The following DMTF1 variants were observed in gnomAD, a reference collection of about 807,000 sequenced individuals.
DMTF1 encodes the protein cyclin-D-binding Myb-like transcription factor 1.
In DMTF1, 39 loss-of-function variants were observed where a neutral mutation model predicts 91.1. That is an observed-to-expected ratio of 0.43 (90% CI 0.33 to 0.56). The LOEUF is 0.56. Among genes scored for constraint, DMTF1 ranks in the 20% least tolerant of loss-of-function variants. The pLI, the probability that DMTF1 is intolerant of heterozygous loss-of-function variation, is 0.05. For missense variants in DMTF1, 750 were observed against 914.5 expected, an observed-to-expected ratio of 0.82 and a Z score of 2.32; for synonymous variants, 338 against 309.5, an observed-to-expected ratio of 1.09 and a Z score of -0.97.
At chr7:87,171,169 GC>G in intron 5 of DMTF1, 80 bp downstream of exon 5, 1 of 981,602 alleles carries the variant, frequency 1.0e-6, no homozygotes, top group Non-Finnish European at 1.5e-6. Context: ...AGAAACCTCA[GC>G]CTCCCAAGTA....
rs755109479 is a variant in DMTF1, at chr7:87,193,204, C to T, written c.1501C>T (p.His501Tyr). 3.1e-6 allele frequency: 5 copies of T among 1,612,846 alleles called. No homozygotes were observed. The South Asian group carries it at 4.4e-5, about 14-fold the overall frequency. Residue 501 changes from histidine (H) to tyrosine (Y), a missense_variant, in exon 15 of 18, where the codon CAT becomes TAT. His to Tyr is a moderately conservative substitution (Grantham distance 83, BLOSUM62 2). Transcript: ENST00000331242. Reference protein sequence around the residue: ...LQTFEILPSFHLQPTGTPGTY... With the variant: ...LQTFEILPSFYLQPTGTPGTY... Reference sequence around the variant, plus strand: ...TCTTTCCTTTTTCCTTTAGTCTTTCCATCTACAGCCCACTGGCACTCCAGG... The same window carrying T: ...TCTTTCCTTTTTCCTTTAGTCTTTCTATCTACAGCCCACTGGCACTCCAGG...
intron 13 of DMTF1, 73 bp downstream of exon 13, chr7:87,188,374 G>A: frequency 1.3e-6 from 2 of 1,504,440 alleles, no homozygotes; most frequent in Non-Finnish European, 1.8e-6. Flanking sequence ...ATGTCTTTTG[G>A]TTTTCTAGAA....
intron 7 of DMTF1, among the ~76,000 whole-genome samples, chr7:87,178,889 A>T (rs1282823802): frequency 6.6e-6 from 1 of 151,538 alleles, no homozygotes; most frequent in Admixed American, 6.6e-5. Flanking sequence ...TTTTGAGAAG[A>T]TTATTTAATA....
intron 5 of DMTF1, among the ~76,000 whole-genome samples, chr7:87,171,841 G>A (rs1163143501): frequency 6.6e-6 from 1 of 152,124 alleles, no homozygotes; most frequent in Non-Finnish European, 1.5e-5. Flanking sequence ...TCCTGCTGTT[G>A]TACTCACTAA....
At chr7:87,177,966 G>T (rs892829897) in intron 7 of DMTF1, among the ~76,000 whole-genome samples, 1 of 152,054 alleles carries the variant, frequency 6.6e-6, no homozygotes, top group African/African-American at 2.4e-5. Context: ...GGCTGTTCTT[G>T]GCCCTTTGCT....
In DMTF1 at chr7:87,170,982, CCT is replaced by C. The variant is rs764002217; in HGVS notation, c.233-12_233-11del. 3.9e-6 allele frequency: 6 copies of C among 1,557,190 alleles called. No individual in the cohort carries two copies. The South Asian group carries it at 6.8e-5, about 18-fold the overall frequency. ...GTTATTATTCTGGAGATGAACGGTT[CCT>C]TTTCTTGAAGTTTCAGAAAATGATC... On this transcript the variant is annotated splice_polypyrimidine_tract_variant and intron_variant, in intron 4 of 17. Transcript: ENST00000331242.
intron 14 of DMTF1, 51 bp downstream of exon 14, chr7:87,191,078 G>T: frequency 8.4e-7 from 1 of 1,191,710 alleles, no homozygotes; most frequent in East Asian, 2.5e-5. Flanking sequence ...AGAAAGATCA[G>T]TTGCTATCAC....
intron 2 of DMTF1, among the ~76,000 whole-genome samples, chr7:87,164,054 TAAAAAAAAA>T (rs61634018): frequency 2.7e-5 from 2 of 73,500 alleles, no homozygotes; most frequent in African/African-American, 5.4e-5. Flanking sequence ...ACGCCTTCTC[TAAAAAAAAA>T]AAAAAAAAAA....
In DMTF1 at chr7:87,176,911, A is replaced by G. The variant is rs575937013; in HGVS notation, c.519+2242A>G. ...TAAAGGATAAATGCAAGTAACGTCT[A>G]TAAGCAAGAAAAAGGGCAAGGAGTG... On this transcript the variant is annotated intron_variant, in intron 7 of 17. Transcript: ENST00000331242. 5.8e-4 allele frequency among the ~76,000 whole-genome samples: 89 copies of G among 152,290 alleles called. 1 individual carries two copies. The South Asian group carries it at 8.3e-3, about 14-fold the overall frequency.
intron 15 of DMTF1, 144 bp downstream of exon 15, chr7:87,193,497 TTCACTG>T: frequency 1.1e-6 from 1 of 874,426 alleles, no homozygotes; most frequent in Admixed American, 2.5e-5. Context: ...TCACTCTGCC[TTCACTG>T]GAGTGTATGT....
At chr7:87,168,668 T>TTTA (rs1414272755) in intron 4 of DMTF1, among the ~76,000 whole-genome samples, 2 of 152,226 alleles carry the variant, frequency 1.3e-5, no homozygotes, top group Non-Finnish European at 2.9e-5. Context: ...TCTTTGTCTG[T>TTTA]TTATTTCTGT....
chr7:87,177,804 A>G (rs981297948), intron 7 of DMTF1, among the ~76,000 whole-genome samples: 5 of 152,058 alleles, frequency 3.3e-5, no homozygotes, highest in Admixed American at 1.3e-4. Flanking sequence ...CCTAATTTAC[A>G]GTGTCCATTC....
intron 11 of DMTF1, 38 bp from the exon 12 acceptor site, chr7:87,185,791 T>G (rs774791595): frequency 6.2e-7 from 1 of 1,610,994 alleles, no homozygotes; most frequent in Non-Finnish European, 8.5e-7. Flanking sequence ...ATAGAGAAAT[T>G]AATTTAATGT....
intron 1 of DMTF1, chr7:87,162,942 T>C (rs190752130): frequency 3.9e-5 from 6 of 152,242 alleles, no homozygotes; most frequent in Admixed American, 2.6e-4. Context: ...TTGTAATTTG[T>C]CTTTTCTGGC....
intron 14 of DMTF1, chr7:87,192,893 G>T: frequency 4.3e-6 from 1 of 233,896 alleles, no homozygotes. Flanking sequence ...GTGCTACAAA[G>T]AAAGAAAAAG....
chr7:87,166,717 A>G, intron 4 of DMTF1, 112 bp downstream of exon 4: 1 of 1,055,782 alleles, frequency 9.5e-7, no homozygotes, highest in Non-Finnish European at 1.4e-6. Context: ...TTTTTTCTTC[A>G]TTTAGTCAAA....
intron 14 of DMTF1, among the ~76,000 whole-genome samples, chr7:87,192,259 CACAT>C (rs1009355724): frequency 2.7e-4 from 41 of 151,994 alleles, no homozygotes; most frequent in Non-Finnish European, 8.8e-5. Context: ...TTAAATAAAA[CACAT>C]ATAATATATA....
intron 4 of DMTF1, among the ~76,000 whole-genome samples, chr7:87,169,953 C>A (rs553891313): frequency 2.6e-5 from 4 of 152,256 alleles, no homozygotes; most frequent in African/African-American, 9.6e-5. Context: ...TGTTAACTAC[C>A]AGATTTATTC....
Position 87,162,508 on chromosome 7 carries a change from A to G in DMTF1, c.-131-987A>G, listed in dbSNP as rs550462445. Reference sequence around the variant, plus strand: ...CACACATACACCGGGAGATGAGATTAGAAGGAACTACAAAGAGTATGAAAA... The same window carrying G: ...CACACATACACCGGGAGATGAGATTGGAAGGAACTACAAAGAGTATGAAAA... On this transcript the variant is annotated intron_variant, in intron 1 of 17. Coordinates refer to ENST00000331242, the MANE Select transcript of DMTF1 (RefSeq NM_001142327.2). 3.3e-5 allele frequency among the ~76,000 whole-genome samples: 5 copies of G among 152,380 alleles called. No individual in the cohort carries two copies. The East Asian group carries it at 9.6e-4, about 29-fold the overall frequency.
Sources: gnomAD v4.1 joint callset for allele counts (sites outside exome capture counted in the v4.1 genomes callset) on GRCh38, gnomAD v4.1.1 for gene constraint, MANE v1.5 for transcripts, NCBI Gene and HGNC (gene_info 2026-07-23, HGNC 2026-07-21) for gene names.